The following VPS13C variants were observed in gnomAD, a reference collection of about 807,000 sequenced individuals.
The protein encoded by VPS13C is intermembrane lipid transfer protein VPS13C.
A neutral mutation model predicts 456.8 loss-of-function variants in VPS13C; 358 were observed. The ratio of observed to expected loss-of-function variants is 0.78; its 90% CI spans 0.72 to 0.86. VPS13C has a LOEUF of 0.86. Among genes scored for constraint, VPS13C ranks in the 40% least tolerant of loss-of-function variants. The pLI, the probability that VPS13C is intolerant of heterozygous loss-of-function variation, is 0.00. For synonymous variants in VPS13C, 1,578 were observed against 1,486.7 expected, an observed-to-expected ratio of 1.06 and a Z score of -1.41; for missense variants, 4,818 against 4,385.4, an observed-to-expected ratio of 1.10 and a Z score of -2.79.
At chr15:61,970,664 G>A (rs1014336381) in intron 27 of VPS13C, among the ~76,000 whole-genome samples, 1 of 152,000 alleles carries the variant, frequency 6.6e-6, no homozygotes, top group Admixed American at 6.6e-5. Context: ...GGGTGTGGTG[G>A]TATGTGCCTG....
Position 61,864,935 on chromosome 15 carries a change from A to G in VPS13C, c.10864-1407T>C, listed in dbSNP as rs575377706. On this transcript the variant is annotated intron_variant, in intron 81 of 84. Transcript: ENST00000644861. Reference sequence around the variant, plus strand: ...AATGCAAGTACAAGAAATACTACCCACTTTCTATCTTGTATGTATTTTCGT... The same window carrying G: ...AATGCAAGTACAAGAAATACTACCCGCTTTCTATCTTGTATGTATTTTCGT... 2.9e-5 allele frequency: 28 copies of G among 977,186 alleles called. No individual in the cohort carries two copies. The South Asian group carries it at 7.1e-4, about 25-fold the overall frequency. The allele number at this position is 977,186 out of a possible 1,614,324, so 60.5% of individuals were successfully genotyped here.
intron 37 of VPS13C, 31 bp downstream of exon 37, chr15:61,958,577 T>C (rs567842274): frequency 1.0e-5 from 12 of 1,174,698 alleles, no homozygotes; most frequent in Non-Finnish European, 1.5e-5. Flanking sequence ...TAGACACATA[T>C]GTATATTGCC....
chr15:61,974,707 T>C (rs2045652422), intron 24 of VPS13C, among the ~76,000 whole-genome samples: 1 of 152,142 alleles, frequency 6.6e-6, no homozygotes. Context: ...ACCAAAACAC[T>C]ACTTCCTGGT....
chr15:61,879,958 G>A (rs899826591), intron 73 of VPS13C, among the ~76,000 whole-genome samples: 1 of 152,058 alleles, frequency 6.6e-6, no homozygotes, highest in Admixed American at 6.6e-5. Flanking sequence ...TTTTGAGAAT[G>A]TAAAGGATCA....
In VPS13C at chr15:62,016,812, G is replaced by A. The variant is rs538908174; in HGVS notation, c.685-2820C>T. Among the ~76,000 whole-genome samples the A allele has an allele frequency of 3.3e-5, 5 of 152,140 alleles. No homozygotes were observed. The East Asian group carries it at 9.7e-4, about 29-fold the overall frequency. ...AGTAATAGGATGGCTAGGTCAAATGGTATTTCTAGTTCTAGATCCCTGAGG... is the reference window on the plus strand; with the variant it reads ...AGTAATAGGATGGCTAGGTCAAATGATATTTCTAGTTCTAGATCCCTGAGG... On this transcript the variant is annotated intron_variant, in intron 9 of 84. Coordinates refer to ENST00000644861, the MANE Select transcript of VPS13C (RefSeq NM_020821.3).
chr15:61,888,731 G>C (rs1896451489), intron 67 of VPS13C, among the ~76,000 whole-genome samples: 1 of 152,146 alleles, frequency 6.6e-6, no homozygotes, highest in African/African-American at 2.4e-5. Context: ...AGGAAGCTGA[G>C]AGACTTTTAG....
intron 35 of VPS13C, among the ~76,000 whole-genome samples, chr15:61,960,561 A>G (rs959984098): frequency 6.6e-6 from 1 of 152,198 alleles, no homozygotes; most frequent in South Asian, 2.1e-4. Flanking sequence ...TGTTTATAGG[A>G]GACATATGAT....
chr15:61,934,173 T>C (rs746763340), intron 49 of VPS13C, 46 bp downstream of exon 49: 3 of 1,332,208 alleles, frequency 2.3e-6, no homozygotes, highest in Non-Finnish European at 3.1e-6. Context: ...AAACTGACTA[T>C]CAAGAGCTAA....
At chr15:61,985,405 C>T (rs778172504) in intron 18 of VPS13C, among the ~76,000 whole-genome samples, 1 of 152,036 alleles carries the variant, frequency 6.6e-6, no homozygotes, top group Non-Finnish European at 1.5e-5. Flanking sequence ...CACAGGTGCC[C>T]GCCACCATGC....
intron 79 of VPS13C, 40 bp downstream of exon 79, chr15:61,871,949 T>A (rs778390614): frequency 6.4e-7 from 1 of 1,569,248 alleles, no homozygotes; most frequent in East Asian, 2.2e-5. Flanking sequence ...TAGCATCAAG[T>A]CTTCAGACTT....
At chr15:62,008,931 T>A (rs1450059347) in intron 13 of VPS13C, among the ~76,000 whole-genome samples, 170 bp from the exon 14 acceptor site, 2 of 152,192 alleles carry the variant, frequency 1.3e-5, no homozygotes, top group South Asian at 4.1e-4. Flanking sequence ...CAATTACAAG[T>A]ATACTACAGT....
chr15:62,055,258 C>T (rs927580588), intron 1 of VPS13C, among the ~76,000 whole-genome samples: 11 of 151,678 alleles, frequency 7.3e-5, no homozygotes, highest in South Asian at 2.1e-4. Flanking sequence ...ACGGGAGTCT[C>T]GCTCTGTCAC....
Position 61,915,651 on chromosome 15 carries a change from G to C in VPS13C, c.8427C>G (p.Asn2809Lys), listed in dbSNP as rs754374684. The C allele has an allele frequency of 6.3e-7, 1 of 1,595,798 alleles. No homozygotes were observed. Among genetic ancestry groups the C allele is most frequent in the Admixed American group, 1.8e-5 (1 of 56,008 alleles). ...ACCACACCTTATTTTTAGTAAAAAT[G>C]TTCTTCTTCTTGAAAGAAAATAAAA... The part of the protein sequence containing the change: ...DIILFSFKKK[N>K]IFTKNKVQLK... The change falls in exon 61 of 85, where the codon AAC becomes AAG. Residue 2809 changes from asparagine to lysine, a missense_variant. Asn to Lys is a moderately conservative substitution (Grantham distance 94, BLOSUM62 0). Coordinates refer to ENST00000644861, the MANE Select transcript of VPS13C (RefSeq NM_020821.3).
At position 61,919,315 on chromosome 15, in the gene VPS13C, C is replaced by T; in HGVS notation, c.7612G>A (p.Val2538Ile). Residue 2538 changes from valine to isoleucine, a missense_variant, in exon 58 of 85, where the codon GTA (valine) becomes ATA (isoleucine). Val to Ile is a conservative substitution (Grantham distance 29, BLOSUM62 3). Coordinates refer to ENST00000644861, the MANE Select transcript of VPS13C (RefSeq NM_020821.3). Reference protein sequence around the residue: ...VQIDATEGNKVITLRSPLQIK... With the variant: ...VQIDATEGNKIITLRSPLQIK... ...TGTAGAGGAGAGCGAAGGGTAATTA[C>T]TTTATTCCCTTCAGTTGCATCAATT... The T allele has an allele frequency of 1.2e-6, 2 of 1,605,994 alleles. No individual in the cohort carries two copies. Among genetic ancestry groups the T allele is most frequent in the Middle Eastern group, 1.7e-4 (1 of 6,042 alleles).
At chr15:61,882,406 T>C (rs912121247) in intron 69 of VPS13C, among the ~76,000 whole-genome samples, 190 bp downstream of exon 69, 1 of 152,108 alleles carries the variant, frequency 6.6e-6, no homozygotes, top group African/African-American at 2.4e-5. Context: ...TCGATCAAAA[T>C]TAGTCTTAAC....
chr15:62,054,572 GA>G (rs1318970316), intron 1 of VPS13C, among the ~76,000 whole-genome samples: 2 of 152,224 alleles, frequency 1.3e-5, no homozygotes, highest in Admixed American at 6.5e-5. Context: ...GGCCTGTCAG[GA>G]GGTGGGAGGC....
intron 18 of VPS13C, among the ~76,000 whole-genome samples, chr15:61,990,578 AG>A (rs2046194290): frequency 6.6e-6 from 1 of 152,156 alleles, no homozygotes; most frequent in Non-Finnish European, 1.5e-5. Context: ...TGGGAGGCCG[AG>A]GAAGGCAGGT....
At chr15:61,904,528 A>G (rs1360176972) in intron 66 of VPS13C, among the ~76,000 whole-genome samples, 1 of 152,140 alleles carries the variant, frequency 6.6e-6, no homozygotes, top group East Asian at 1.9e-4. Context: ...GAGAAAGGGA[A>G]ACACTTGCAC....
At chr15:61,864,980 C>A in intron 81 of VPS13C, 1 of 984,106 alleles carries the variant, frequency 1.0e-6, no homozygotes, top group Non-Finnish European at 1.2e-6. Context: ...GGCTATTGTG[C>A]TTCAAGCCAT....
Sources: gnomAD v4.1 joint callset for allele counts (sites outside exome capture counted in the v4.1 genomes callset) on GRCh38, gnomAD v4.1.1 for gene constraint, MANE v1.5 for transcripts, NCBI Gene and HGNC (gene_info 2026-07-23, HGNC 2026-07-21) for gene names.